PRELID2: variants seen among roughly 807,000 people sequenced by gnomAD.
The protein encoded by PRELID2 is PRELI domain containing 2.
A neutral mutation model predicts 28.4 loss-of-function variants in PRELID2; 25 were observed. The ratio of observed to expected loss-of-function variants is 0.88; its 90% confidence interval spans 0.64 to 1.23. PRELID2 has a LOEUF of 1.23. Among genes scored for constraint, PRELID2 ranks in the 50% most tolerant of loss-of-function variants. The pLI, the probability that PRELID2 is intolerant of heterozygous loss-of-function variation, is 0.00. For synonymous variants in PRELID2, 76 were observed against 71.6 expected (o/e 1.06, Z -0.31); for missense variants, 201 against 214.4 (o/e 0.94, Z 0.39).
At chr5:145,582,267 T>C (rs1390869716) in intron 1 of PRELID2, among the ~76,000 whole-genome samples, 1 of 152,056 alleles carries the variant, frequency 6.6e-6, no homozygotes, top group African/African-American at 2.4e-5. Flanking sequence ...TGACTCACAG[T>C]TCTGCAGGGC....
In PRELID2 at chr5:145,757,396, G is replaced by A. The variant is rs896101377; in HGVS notation, c.*3140C>T. Among the ~76,000 whole-genome samples, 1 of 152,186 alleles carries A rather than the reference G, an allele frequency of 6.6e-6. No homozygotes were observed. ...ACGAATCAGAATCGCTGGGGAAAGG[G>A]ACTGAGAACCTGCACGTTAGCACGT... On this transcript the variant is annotated 3_prime_UTR_variant, in exon 7 of 7. Coordinates refer to ENST00000683046, the MANE Select transcript of PRELID2 (RefSeq NM_205846.3).
chr5:145,726,250 A>AGGGAG (rs2149721921), intron 1 of PRELID2, among the ~76,000 whole-genome samples: 3 of 91,644 alleles, frequency 3.3e-5, no homozygotes, highest in South Asian at 4.2e-4. Flanking sequence ...GGAGGGAGGG[A>AGGGAG]GGGAGGGACG....
At chr5:145,410,369 A>C in the PRELID2 span, among the ~76,000 whole-genome samples, 1 of 152,242 alleles carries the variant, frequency 6.6e-6, no homozygotes, top group Non-Finnish European at 1.5e-5. Context: ...GCAGTGTTAA[A>C]GACAACCCAC....
At chr5:145,281,957 A>G in the PRELID2 span, among the ~76,000 whole-genome samples, 1 of 152,192 alleles carries the variant, frequency 6.6e-6, no homozygotes, top group Non-Finnish European at 1.5e-5. Flanking sequence ...TCTACCTTGC[A>G]GATTCGTAAT....
rs891768989 is a variant in PRELID2, at chr5:145,758,795, G to T, written c.*1741C>A. Among the ~76,000 whole-genome samples the T allele has an allele frequency of 2.0e-5, 3 of 152,016 alleles. No individual in the cohort carries two copies. The highest frequency in any genetic ancestry group is 6.6e-5 in the Admixed American group (1 of 15,242). On this transcript the variant is annotated 3_prime_UTR_variant, in exon 7 of 7. Transcript: ENST00000683046. ...TTTCCCTCCAACACAATTGAAGAAT[G>T]AAACACTATGAAGCTGAAAAGAAAT...
chr5:145,279,331 G>A, the PRELID2 span, among the ~76,000 whole-genome samples: 1 of 152,080 alleles, frequency 6.6e-6, no homozygotes, highest in African/African-American at 2.4e-5. Context: ...TATCATCCCT[G>A]ATCTAGCAGA....
rs190404454 is a variant in PRELID2, at chr5:145,478,375, G to A, written n.71-5060C>T. Among the ~76,000 whole-genome samples, 101 of 152,052 alleles carry A rather than the reference G, an allele frequency of 6.6e-4. No individual in the cohort carries two copies. In the East Asian group the frequency reaches 0.011, roughly 17 times the overall value. On this transcript the variant is annotated intron_variant and non_coding_transcript_variant, in intron 1 of 2. Coordinates refer to the PRELID2 transcript ENST00000510259. ...AGCCTGGCCAACATGGTGAAACCCC[G>A]TCTCTACTAAAAGTACAAAAGATTA...
intron 1 of PRELID2, among the ~76,000 whole-genome samples, chr5:145,678,614 T>A (rs1161693302): frequency 3.9e-5 from 6 of 152,204 alleles, no homozygotes; most frequent in Non-Finnish European, 7.3e-5. Flanking sequence ...CAGAGGTTTT[T>A]CAACTGGCCA....
At chr5:145,348,258 A>G in the PRELID2 span, among the ~76,000 whole-genome samples, 1 of 152,150 alleles carries the variant, frequency 6.6e-6, no homozygotes, top group Non-Finnish European at 1.5e-5. Flanking sequence ...AAGTCCATCA[A>G]AACATAATCA....
downstream of PRELID2, among the ~76,000 whole-genome samples, chr5:145,751,537 C>G (rs912238319): frequency 1.4e-4 from 21 of 152,318 alleles, no homozygotes; most frequent in African/African-American, 4.6e-4. Flanking sequence ...GGCAGCATTC[C>G]AAGCATTTCC....
chr5:145,656,901 TA>T (rs1056871110), intron 1 of PRELID2, among the ~76,000 whole-genome samples: 3 of 152,080 alleles, frequency 2.0e-5, no homozygotes, highest in Non-Finnish European at 4.4e-5. Flanking sequence ...TAAAGTATGA[TA>T]AAAAATAAAT....
At chr5:145,528,302 G>A (rs932030035) in intron 1 of PRELID2, among the ~76,000 whole-genome samples, 5 of 152,010 alleles carry the variant, frequency 3.3e-5, no homozygotes, top group East Asian at 1.9e-4. Context: ...TTTGCTCTTC[G>A]TAGTATCCTC....
At chr5:145,518,570 T>G (rs2126647646) in intron 1 of PRELID2, among the ~76,000 whole-genome samples, 1 of 152,314 alleles carries the variant, frequency 6.6e-6, no homozygotes, top group South Asian at 2.1e-4. Flanking sequence ...GCCAGTTAAA[T>G]ACAAAGATTG....
chr5:145,398,056 C>A, the PRELID2 span, among the ~76,000 whole-genome samples: 4 of 152,194 alleles, frequency 2.6e-5, no homozygotes, highest in Middle Eastern at 0.01. Context: ...TTACTTAAAT[C>A]CCCATGGCCT....
At chr5:145,304,085 A>C in the PRELID2 span, among the ~76,000 whole-genome samples, 4 of 152,234 alleles carry the variant, frequency 2.6e-5, no homozygotes, top group East Asian at 7.7e-4. Context: ...TTTTATGATT[A>C]AGAAAACAAA....
chr5:145,284,711 C>T, the PRELID2 span, among the ~76,000 whole-genome samples: 1 of 152,034 alleles, frequency 6.6e-6, no homozygotes, highest in Non-Finnish European at 1.5e-5. Context: ...GTTCTTTCTC[C>T]TACCCTCAAT....
the PRELID2 span, among the ~76,000 whole-genome samples, chr5:145,464,035 G>C: frequency 6.6e-6 from 1 of 152,122 alleles, no homozygotes; most frequent in Admixed American, 6.5e-5. Context: ...GTGGTCCAAA[G>C]AGGGCAAAGT....
chr5:145,631,763 T>C (rs533180111), intron 1 of PRELID2, among the ~76,000 whole-genome samples: 107 of 152,332 alleles, frequency 7.0e-4, no homozygotes, highest in Non-Finnish European at 1.3e-3. Flanking sequence ...AATGTTCATT[T>C]AAAATTTAAA....
intron 1 of PRELID2, among the ~76,000 whole-genome samples, chr5:145,742,234 A>AATATATTTTTATATAAATAAAAT (rs1756845895): frequency 2.1e-5 from 3 of 140,466 alleles, no homozygotes; most frequent in Admixed American, 7.3e-5. Flanking sequence ...ATATAAATAA[A>AATATATTTTTATATAAATAAAAT]ATATATTTTT....
Sources: allele counts gnomAD v4.1 joint callset (sites outside exome capture counted in the v4.1 genomes callset), GRCh38; gene constraint gnomAD v4.1.1; transcripts MANE v1.5; gene names NCBI Gene and HGNC (gene_info 2026-07-23, HGNC 2026-07-21).